The following ZFYVE26 variants were observed in gnomAD, a reference collection of about 807,000 sequenced individuals.
The protein encoded by ZFYVE26 is zinc finger FYVE domain-containing protein 26.
A neutral mutation model predicts 276.5 loss-of-function variants in ZFYVE26; 181 were observed. That is an observed-to-expected ratio of 0.65 (90% confidence interval 0.58 to 0.74). The LOEUF is 0.74. Among genes scored for constraint, ZFYVE26 ranks in the 30% least tolerant of loss-of-function variants. The pLI, the probability that ZFYVE26 is intolerant of heterozygous loss-of-function variation, is 0.00. For synonymous variants in ZFYVE26, 1,129 were observed against 1,203.1 expected (o/e 0.94, Z 1.27); for missense variants, 2,821 against 3,097.9 (o/e 0.91, Z 2.12).
chr14:67,740,475 A>C (rs1191352296), intron 13 of ZFYVE26, among the ~76,000 whole-genome samples: 3 of 152,076 alleles, frequency 2.0e-5, no homozygotes, highest in African/African-American at 7.2e-5. Context: ...GAATATTTTT[A>C]TTTTTTGAAA....
chr14:67,730,815 G>A (rs1175566837), intron 13 of ZFYVE26, among the ~76,000 whole-genome samples: 1 of 152,138 alleles, frequency 6.6e-6, no homozygotes, highest in Non-Finnish European at 1.5e-5. Flanking sequence ...TGTTGGCCAG[G>A]CTGGTCTTGA....
At chr14:67,809,782 C>CTTTTTTTTTTTTT (rs58842467) in intron 3 of ZFYVE26, among the ~76,000 whole-genome samples, 2 of 120,132 alleles carry the variant, frequency 1.7e-5, no homozygotes, top group Non-Finnish European at 1.7e-5. Context: ...ATTCTTTTCT[C>CTTTTTTTTTTTTT]TTTTTTTTTT....
In ZFYVE26 at chr14:67,797,180, T is replaced by C. The variant is rs562944424; in HGVS notation, c.2332+492A>G. On this transcript the variant is annotated intron_variant, in intron 12 of 41. Transcript: ENST00000347230. ...TATCTATATATGATACCCATATAGA[T>C]CTGACCTAGTAATTCTGCTGCTAGG... 6.3e-5 allele frequency: 12 copies of C among 191,374 alleles called. No homozygotes were observed. In the East Asian group the frequency reaches 1.4e-3, roughly 22 times the overall value. 11.9% of individuals were successfully genotyped at this position (191,374 alleles called of 1,614,324 possible). A position where few individuals can be genotyped will look rare whatever the true frequency, so the allele number is the denominator to read the frequency against.
chr14:67,789,508 A>G lies in ZFYVE26; in HGVS notation c.2846T>C (p.Ile949Thr). 1.9e-6 allele frequency: 3 copies of G among 1,614,164 alleles called. No homozygotes were observed. The highest frequency in any genetic ancestry group is 2.5e-6 in the Non-Finnish European group (3 of 1,180,040). The part of the protein sequence containing the change: ...PIPMLQEDFW[I>T]STALVEPTAP... Reference sequence around the variant, plus strand: ...AGTGGGCTCCACTAGAGCCGTGCTTATCCAAAAGTCCTCCTGGAGCATGGG... The same window carrying G: ...AGTGGGCTCCACTAGAGCCGTGCTTGTCCAAAAGTCCTCCTGGAGCATGGG... The change falls in exon 16 of 42, where the codon ATA becomes ACA. Residue 949 changes from isoleucine (I) to threonine (T), a missense_variant. By Grantham distance (89) the Ile-to-Thr change is moderately conservative (BLOSUM62 -1). Transcript: ENST00000347230.
chr14:67,806,694 G>T lies in ZFYVE26; in HGVS notation c.887-19C>A, dbSNP rs200261586. ...GGTGAGACTGAACATCAAACAAGAC[G>T]GTTATCAGGAAACCAAGAACTCTTC... On this transcript the variant is annotated intron_variant, in intron 5 of 41. Coordinates refer to ENST00000347230, the MANE Select transcript of ZFYVE26 (RefSeq NM_015346.4). The T allele has an allele frequency of 8.1e-6, 13 of 1,611,310 alleles. No homozygotes were observed. The Admixed American group carries it at 1.2e-4, about 15-fold the overall frequency.
rs552742329 is a variant in ZFYVE26, at chr14:67,766,219, C to G, written c.6011+8G>C. ...TGTGTAAAAGAATAGAGACCCACTG[C>G]CCTCTACCTGTCACAAAGAGCCAAG... On this transcript the variant is annotated splice_region_variant and intron_variant, in intron 32 of 41. Transcript: ENST00000347230. The G allele has an allele frequency of 6.2e-7, 1 of 1,612,836 alleles. No individual in the cohort carries two copies. The highest frequency in any genetic ancestry group is 1.1e-5 in the South Asian group (1 of 91,026).
At position 67,778,197 on chromosome 14, in the gene ZFYVE26, G is replaced by T; in HGVS notation, c.4726C>A (p.His1576Asn). 6.2e-7 allele frequency: 1 copy of T among 1,614,148 alleles called. No homozygotes were observed. The highest frequency in any genetic ancestry group is 2.2e-5 in the East Asian group (1 of 44,886). Residue 1576 changes from histidine (H) to asparagine (N), a missense_variant, in exon 24 of 42, where the codon CAT becomes AAT. Physicochemically the swap from His to Asn is moderately conservative, Grantham distance 68. Coordinates refer to ENST00000347230, the MANE Select transcript of ZFYVE26 (RefSeq NM_015346.4). ...WGCLYPIPRE[H>N]LISLHQKHLL... is the part of the protein sequence containing the mutation. ...TGCTTTTGATGAAGGCTGATTAAATGTTCTCTTGGAATGGGGTACAGGCAG... is the reference window on the plus strand; with the variant it reads ...TGCTTTTGATGAAGGCTGATTAAATTTTCTCTTGGAATGGGGTACAGGCAG...
In ZFYVE26 at chr14:67,735,974, C is replaced by T. The variant is rs960289873; in HGVS notation, n.2680-6155G>A. The stretch of plus-strand genomic sequence containing the variant: ...CAACTCAACTTCGTATACAATGTTG[C>T]CATGCGTCCCAAGCTCAGGAGGATA... On this transcript the variant is annotated intron_variant and non_coding_transcript_variant, in intron 13 of 14. Transcript: ENST00000394455. Among the ~76,000 whole-genome samples the T allele has an allele frequency of 6.6e-5, 10 of 152,258 alleles. No homozygotes were observed. In the East Asian group the frequency reaches 1.9e-3, roughly 29 times the overall value.
chr14:67,757,127 A>G (rs1034234094), intron 35 of ZFYVE26, among the ~76,000 whole-genome samples: 61 of 152,204 alleles, frequency 4.0e-4, no homozygotes, highest in African/African-American at 1.4e-3. Flanking sequence ...CCTGGACCAC[A>G]CTGGATCCCT....
intron 35 of ZFYVE26, chr14:67,756,528 C>T: frequency 4.3e-6 from 1 of 233,440 alleles, no homozygotes; most frequent in South Asian, 6.1e-5. Flanking sequence ...TCTGATCAAT[C>T]AGCAGCTTTT....
At chr14:67,761,256 G>T in intron 35 of ZFYVE26, 110 bp downstream of exon 35, 1 of 1,023,462 alleles carries the variant, frequency 9.8e-7, no homozygotes, top group Non-Finnish European at 1.5e-6. Flanking sequence ...TGGCCCCATA[G>T]CTCAACACAG....
intron 3 of ZFYVE26, among the ~76,000 whole-genome samples, chr14:67,812,921 T>C (rs113172609): frequency 6.6e-6 from 1 of 152,232 alleles, no homozygotes; most frequent in South Asian, 2.1e-4. Context: ...CTCTTAATGA[T>C]GCTGGGTTTC....
chr14:67,773,087 T>G (rs1048316548), intron 27 of ZFYVE26, among the ~76,000 whole-genome samples: 1 of 152,216 alleles, frequency 6.6e-6, no homozygotes, highest in African/African-American at 2.4e-5. Context: ...TGGAGAAATT[T>G]GAATACTGAC....
chr14:67,816,046 C>T lies in ZFYVE26; in HGVS notation c.-83G>A. Reference sequence around the variant, plus strand: ...CAATGTTCTCATTCGCGGAGTACCTCCTAGAAACAACACAACGCCAGTGAG... The same window carrying T: ...CAATGTTCTCATTCGCGGAGTACCTTCTAGAAACAACACAACGCCAGTGAG... On this transcript the variant is annotated splice_region_variant and 5_prime_UTR_variant, in exon 2 of 42. Transcript: ENST00000347230. 8.5e-7 allele frequency: 1 copy of T among 1,173,860 alleles called. No homozygotes were observed. The highest frequency in any genetic ancestry group is 1.2e-6 in the Non-Finnish European group (1 of 833,726). The allele number at this position is 1,173,860 out of a possible 1,614,324, so 72.7% of individuals were successfully genotyped here.
intron 39 of ZFYVE26, 124 bp from the exon 40 acceptor site, chr14:67,752,650 G>C: frequency 9.3e-7 from 1 of 1,075,080 alleles, no homozygotes; most frequent in East Asian, 2.5e-5. Flanking sequence ...GGTCACAGTA[G>C]AAAACATAAA....
chr14:67,751,762 A>G (rs1199532727), intron 40 of ZFYVE26, among the ~76,000 whole-genome samples: 2 of 152,036 alleles, frequency 1.3e-5, no homozygotes, highest in African/African-American at 2.4e-5. Context: ...AGTCCCAGCT[A>G]CTCAGGAGGC....
chr14:67,744,159 G>A (rs1897292367), downstream of ZFYVE26, among the ~76,000 whole-genome samples: 1 of 152,130 alleles, frequency 6.6e-6, no homozygotes, highest in Admixed American at 6.5e-5. Context: ...TTGGTTGCTT[G>A]GGTATTCAAA....
Position 67,783,200 on chromosome 14 carries a change from C to T in ZFYVE26, c.3952G>A (p.Val1318Met). The change falls in exon 21 of 42, where the codon GTG becomes ATG. Residue 1318 changes from valine (V) to methionine (M), a missense_variant. Coordinates refer to ENST00000347230, the MANE Select transcript of ZFYVE26 (RefSeq NM_015346.4). ...LKSRSKLLAT[V>M]ACLGASPRLK... ...CTCGGGGAAGCCCCCAGGCAGGCCA[C>T]CGTAGCTAGGAGCTTTGAGCGTGAC... 1 of 1,612,660 alleles carries T rather than the reference C, an allele frequency of 6.2e-7. No homozygotes were observed. Among genetic ancestry groups the T allele is most frequent in the Non-Finnish European group, 8.5e-7 (1 of 1,178,974 alleles).
Position 67,782,889 on chromosome 14 carries a change from C to T in ZFYVE26, c.4263G>A (p.Leu1421=). Residue 1421 remains leucine, a synonymous_variant, in exon 21 of 42, where the codon TTG becomes TTA. Transcript: ENST00000347230. ...GGGCCCGGGACCAATCTCTGGCCAC[C>T]AAGGATTCCTCAAAAGCCTCACTCA... The part of the protein sequence containing the change: ...DVLSEAFEES[L]VARDWSRALQ... 6.2e-7 allele frequency: 1 copy of T among 1,614,220 alleles called. No homozygotes were observed. The highest frequency in any genetic ancestry group is 8.5e-7 in the Non-Finnish European group (1 of 1,180,038).
Sources: gnomAD v4.1 joint callset for allele counts (sites outside exome capture counted in the v4.1 genomes callset) on GRCh38, gnomAD v4.1.1 for gene constraint, MANE v1.5 for transcripts, NCBI Gene and HGNC (gene_info 2026-07-23, HGNC 2026-07-21) for gene names.